ATP8B4: variants seen among roughly 807,000 people sequenced by gnomAD.
ATP8B4 encodes the protein probable phospholipid-transporting ATPase IM.
Under a neutral mutation model 145.6 loss-of-function variants are expected in ATP8B4, and 133 were observed. The observed-to-expected ratio is 0.91, with a 90% CI of 0.79 to 1.05. The LOEUF is 1.05. Among genes scored for constraint, ATP8B4 ranks in the 50% least tolerant of loss-of-function variants. The pLI, the probability that ATP8B4 is intolerant of heterozygous loss-of-function variation, is 0.00. For missense variants in ATP8B4, 1,458 were observed against 1,425.2 expected (o/e 1.02, Z -0.37); for synonymous variants, 507 against 492.9 (o/e 1.03, Z -0.38).
At chr15:50,034,524 C>T (rs967548915) in intron 6 of ATP8B4, among the ~76,000 whole-genome samples, 7 of 152,062 alleles carry the variant, frequency 4.6e-5, no homozygotes, top group African/African-American at 1.4e-4. Context: ...CCACCACACC[C>T]GGCCATTGAG....
intron 3 of ATP8B4, among the ~76,000 whole-genome samples, chr15:50,073,624 C>A (rs1257282245): frequency 6.6e-6 from 1 of 152,084 alleles, no homozygotes; most frequent in African/African-American, 2.4e-5. Context: ...ATTGCTGGGT[C>A]AAATAGTATT....
At chr15:50,006,161 T>C (rs912404405) in intron 7 of ATP8B4, among the ~76,000 whole-genome samples, 1 of 152,040 alleles carries the variant, frequency 6.6e-6, no homozygotes, top group Non-Finnish European at 1.5e-5. Context: ...GGATACATCA[T>C]TGTTTTTCTA....
chr15:50,181,697 C>T (rs1197807813), intron 1 of ATP8B4, among the ~76,000 whole-genome samples: 1 of 152,120 alleles, frequency 6.6e-6, no homozygotes, highest in Non-Finnish European at 1.5e-5. Flanking sequence ...TTGAAGCCTT[C>T]GCTACAGGAG....
At chr15:49,995,294 C>T (rs113101200) in intron 9 of ATP8B4, among the ~76,000 whole-genome samples, 4 of 152,012 alleles carry the variant, frequency 2.6e-5, no homozygotes, top group Non-Finnish European at 4.4e-5. Flanking sequence ...TTTAGATGGC[C>T]TTTTTGGGCC....
In ATP8B4 at chr15:49,898,171, G is replaced by A. The variant is rs201681268; in HGVS notation, c.2370C>T (p.Val790=). 22 of 1,613,894 alleles carry A rather than the reference G, an allele frequency of 1.4e-5. No individual in the cohort carries two copies. The African/African-American group carries it at 2.1e-4, about 16-fold the overall frequency. Residue 790 remains valine, a synonymous_variant, in exon 22 of 28, where the codon GTC becomes GTT. Coordinates refer to ENST00000284509, the MANE Select transcript of ATP8B4 (RefSeq NM_024837.4). ...CMCKTVICCR[V]TPLQKAQVVE... ...CCACTTGGGCTTTCTGGAGTGGAGT[G>A]ACCCTGCAGCAAATTACAGTCTTAC...
At chr15:50,098,059 T>C (rs1024511276) in intron 2 of ATP8B4, among the ~76,000 whole-genome samples, 1 of 152,106 alleles carries the variant, frequency 6.6e-6, no homozygotes, top group African/African-American at 2.4e-5. Context: ...CATGCAACAA[T>C]TGTGTTCACA....
intron 1 of ATP8B4, among the ~76,000 whole-genome samples, chr15:50,162,656 G>A (rs1056597795): frequency 2.0e-4 from 30 of 152,158 alleles, no homozygotes; most frequent in Admixed American, 5.2e-4. Flanking sequence ...ACAGGCGCCC[G>A]CCACCACGCC....
At chr15:49,906,434 C>T (rs1000002345) in intron 20 of ATP8B4, among the ~76,000 whole-genome samples, 23 of 152,172 alleles carry the variant, frequency 1.5e-4, no homozygotes, top group African/African-American at 5.5e-4. Context: ...TGTCATCTAG[C>T]CAACCAAATG....
intron 12 of ATP8B4, among the ~76,000 whole-genome samples, chr15:49,976,812 G>T (rs1168347010): frequency 6.6e-6 from 1 of 152,098 alleles, no homozygotes; most frequent in Admixed American, 6.6e-5. Context: ...TACAATAGCA[G>T]AGAAAAGGAG....
At chr15:50,113,130 C>T (rs891696282) in intron 1 of ATP8B4, 17 of 152,308 alleles carry the variant, frequency 1.1e-4, no homozygotes, top group African/African-American at 3.9e-4. Flanking sequence ...GTCCTCCCAC[C>T]CTGGGACCCA....
At position 50,010,893 on chromosome 15, in the gene ATP8B4, A is replaced by G; in HGVS notation, c.387T>C (p.Asn129=). 6.4e-7 allele frequency: 1 copy of G among 1,561,486 alleles called. No individual in the cohort carries two copies. Among genetic ancestry groups the G allele is most frequent in the Non-Finnish European group, 8.6e-7 (1 of 1,156,236 alleles). Residue 129 remains asparagine, a synonymous_variant, in exon 7 of 28, where the codon AAT becomes AAC. Transcript: ENST00000284509. ...ATTTAATGATGTCTCCCACTTTGAC[A>G]TTCATCCATTTTTCATTCTGCAGTC... is the stretch of plus-strand genomic sequence containing the variant. ...NSKLQNEKWM[N]VKVGDIIKLE... is the part of the protein sequence containing the mutation.
chr15:50,167,279 A>C (rs995021798), intron 1 of ATP8B4, among the ~76,000 whole-genome samples: 3 of 152,208 alleles, frequency 2.0e-5, no homozygotes, highest in African/African-American at 7.2e-5. Context: ...ATTGTCTCAC[A>C]GTTCTGGAGG....
At chr15:49,866,722 C>T (rs1030584670) in intron 25 of ATP8B4, among the ~76,000 whole-genome samples, 8 of 152,270 alleles carry the variant, frequency 5.3e-5, no homozygotes, top group South Asian at 4.1e-4. Context: ...CTGCCAAGGT[C>T]GAGTCAGAAT....
chr15:50,138,076 G>A (rs28378462), intron 1 of ATP8B4, among the ~76,000 whole-genome samples: 3 of 152,124 alleles, frequency 2.0e-5, no homozygotes, highest in Non-Finnish European at 4.4e-5. Flanking sequence ...TCAGCAATCT[G>A]TAAACCACAT....
intron 3 of ATP8B4, among the ~76,000 whole-genome samples, chr15:50,067,766 G>A (rs1164472002): frequency 6.6e-6 from 1 of 151,916 alleles, no homozygotes. Flanking sequence ...ATGCACTTTG[G>A]GGCCCACCTA....
At chr15:50,023,748 C>T (rs2049772285) in intron 6 of ATP8B4, among the ~76,000 whole-genome samples, 1 of 143,920 alleles carries the variant, frequency 6.9e-6, no homozygotes, top group South Asian at 2.2e-4. Context: ...ATCTCTTCAC[C>T]TCTGCACCCA....
chr15:50,041,654 A>G (rs2051291903), intron 5 of ATP8B4, among the ~76,000 whole-genome samples: 1 of 152,160 alleles, frequency 6.6e-6, no homozygotes. Context: ...TGTTTGTTAA[A>G]AATCTGGGGC....
rs1432510562 is a variant in ATP8B4, at chr15:49,909,195, TGCTCCATCCACCATCCACTGCCGTG to T, written c.2141+7714_2141+7738del. The stretch of plus-strand genomic sequence containing the variant: ...CCACCTAGGGGCCTGGGGATCACCC[TGCTCCATCCACCATCCACTGCCGTG>T]GCTCCATCCACCATCATGACCACTC... On this transcript the variant is annotated intron_variant, in intron 20 of 27. Transcript: ENST00000284509. 2.0e-5 allele frequency among the ~76,000 whole-genome samples: 3 copies of T among 152,102 alleles called. No individual in the cohort carries two copies. The East Asian group carries it at 5.8e-4, about 29-fold the overall frequency.
chr15:49,923,441 G>A lies in ATP8B4; in HGVS notation c.1696C>T (p.Leu566=). Residue 566 remains leucine, a synonymous_variant, in exon 17 of 28, where the codon CTG becomes TTG. Coordinates refer to ENST00000284509, the MANE Select transcript of ATP8B4 (RefSeq NM_024837.4). The part of the protein sequence containing the change: ...KLYSKGADTI[L]FEKLHPSNEV... ...TTGGAAGGATGAAGTTTTTCAAACAGAATAGTATCTGCTCCTTTGGAATAA... is the reference window on the plus strand; with the variant it reads ...TTGGAAGGATGAAGTTTTTCAAACAAAATAGTATCTGCTCCTTTGGAATAA... 6.2e-7 allele frequency: 1 copy of A among 1,613,490 alleles called. No individual in the cohort carries two copies. Among genetic ancestry groups the A allele is most frequent in the Admixed American group, 1.7e-5 (1 of 59,834 alleles).
Sources: gnomAD v4.1 joint callset for allele counts (sites outside exome capture counted in the v4.1 genomes callset) on GRCh38, gnomAD v4.1.1 for gene constraint, MANE v1.5 for transcripts, NCBI Gene and HGNC (gene_info 2026-07-23, HGNC 2026-07-21) for gene names.